Variants in TBX15 observed in about 807,000 individuals in gnomAD.
The protein encoded by TBX15 is T-box transcription factor TBX15.
In TBX15, 18 loss-of-function variants were observed where a neutral mutation model predicts 53.9. The observed-to-expected ratio is 0.33, with a 90% CI of 0.23 to 0.49. The LOEUF is 0.49. TBX15 is among the 20% of genes least tolerant of loss of function. The pLI, the probability that TBX15 is intolerant of heterozygous loss-of-function variation, is 0.98. For missense variants in TBX15, 692 were observed against 749.5 expected (o/e 0.92, Z 0.90); for synonymous variants, 295 against 278.0 (o/e 1.06, Z -0.61).
intron 1 of TBX15, among the ~76,000 whole-genome samples, chr1:118,983,029 C>T (rs12039462): frequency 0.064 from 9,816 of 152,196 alleles, 460 homozygotes; most frequent in East Asian, 0.2. Flanking sequence ...TTTGTGCTTC[C>T]CCAGCGGGTC....
rs910044470 is a variant in TBX15, at chr1:118,924,849, A to G, written c.522-32T>C. ...TAAAGAGGAAGAGAGGAAAATTCAG[A>G]GACAGAGGCAGAGAAGGGACAGAGG... On this transcript the variant is annotated intron_variant, in intron 3 of 7. Transcript: ENST00000369429. The G allele has an allele frequency of 8.7e-6, 14 of 1,613,350 alleles. No individual in the cohort carries two copies. In the East Asian group the frequency reaches 2.9e-4, roughly 33 times the overall value.
At chr1:118,902,534 C>G (rs1425299478) in intron 6 of TBX15, among the ~76,000 whole-genome samples, 1 of 152,172 alleles carries the variant, frequency 6.6e-6, no homozygotes, top group Non-Finnish European at 1.5e-5. Flanking sequence ...TTTTTCTAAG[C>G]CTAAAACTTA....
intron 5 of TBX15, among the ~76,000 whole-genome samples, chr1:118,922,948 G>A (rs1655470686): frequency 1.3e-5 from 2 of 152,000 alleles, no homozygotes; most frequent in Non-Finnish European, 2.9e-5. Context: ...TTAAATGGTG[G>A]CTGGAGTATT....
At chr1:118,922,906 T>C (rs1011716286) in intron 5 of TBX15, among the ~76,000 whole-genome samples, 1 of 141,932 alleles carries the variant, frequency 7.0e-6, no homozygotes, top group Non-Finnish European at 1.5e-5. Context: ...GAAATATTTA[T>C]TGTCACATCA....
At chr1:118,927,348 T>G (rs1333163738) in intron 2 of TBX15, among the ~76,000 whole-genome samples, 1 of 152,242 alleles carries the variant, frequency 6.6e-6, no homozygotes, top group Non-Finnish European at 1.5e-5. Flanking sequence ...CAACTTACAC[T>G]CTTCTTATAA....
intron 1 of TBX15, among the ~76,000 whole-genome samples, chr1:118,935,573 C>T (rs1655943115): frequency 3.3e-5 from 5 of 152,150 alleles, no homozygotes. Context: ...GTAACCTGCG[C>T]TGAGCCAGTT....
chr1:118,937,139 A>G (rs1219256523), intron 1 of TBX15, among the ~76,000 whole-genome samples: 1 of 152,210 alleles, frequency 6.6e-6, no homozygotes, highest in Non-Finnish European at 1.5e-5. Flanking sequence ...TGAAACCAAC[A>G]AACAACAAAA....
intron 7 of TBX15, among the ~76,000 whole-genome samples, chr1:118,893,361 G>GA (rs1654240677): frequency 1.8e-5 from 1 of 54,744 alleles, no homozygotes; most frequent in Non-Finnish European, 3.5e-5. Context: ...AGGAAGGAAA[G>GA]AAAGAAAGAA....
intron 7 of TBX15, among the ~76,000 whole-genome samples, chr1:118,893,294 G>A (rs1654222858): frequency 7.6e-6 from 1 of 132,042 alleles, no homozygotes; most frequent in African/African-American, 3.1e-5. Context: ...AGGAAGGAAG[G>A]AAGGAAGGAA....
intron 1 of TBX15, among the ~76,000 whole-genome samples, chr1:118,960,068 A>G (rs1026031634): frequency 1.5e-4 from 19 of 129,032 alleles, no homozygotes; most frequent in Non-Finnish European, 2.1e-4. Flanking sequence ...AGAGAAAGAG[A>G]AAAAAAAAAA....
chr1:118,965,615 A>G (rs941648537), intron 1 of TBX15, among the ~76,000 whole-genome samples: 2 of 152,190 alleles, frequency 1.3e-5, no homozygotes, highest in African/African-American at 4.8e-5. Context: ...AAGAATGCCC[A>G]AAAATAATCA....
chr1:118,954,278 G>T (rs777718844), intron 1 of TBX15, among the ~76,000 whole-genome samples: 8 of 152,196 alleles, frequency 5.3e-5, no homozygotes, highest in Non-Finnish European at 1.0e-4. Context: ...CCCTGGACCA[G>T]AGGTCAGGTA....
intron 7 of TBX15, 60 bp downstream of exon 7, chr1:118,898,968 T>C (rs750327583): frequency 6.5e-7 from 1 of 1,550,212 alleles, no homozygotes; most frequent in South Asian, 1.1e-5. Context: ...TATATTCGGT[T>C]GAGCTCCCAC....
chr1:118,884,621 AAAAAC>A lies in TBX15; in HGVS notation c.*106_*110del. On this transcript the variant is annotated 3_prime_UTR_variant, in exon 8 of 8. Coordinates refer to ENST00000369429, the MANE Select transcript of TBX15 (RefSeq NM_001330677.2). ...CTTCGGCCAGAAAAAAAAAAAAAAAAAAAACACGGTTCCTGTTTTTCAAAGACACT... is the reference window on the plus strand; with the variant it reads ...CTTCGGCCAGAAAAAAAAAAAAAAAAACGGTTCCTGTTTTTCAAAGACACT... 1 of 1,370,550 alleles carries A rather than the reference AAAAAC, an allele frequency of 7.3e-7. No homozygotes were observed. The highest frequency in any genetic ancestry group is 9.9e-7 in the Non-Finnish European group (1 of 1,006,010). 84.9% of individuals were successfully genotyped at this position (1,370,550 alleles called of 1,614,324 possible).
rs536094260 is a variant in TBX15 at position 118,964,182 on chromosome 1, T to G, written c.205+23409A>C. ...CTGAAACAGTGAGCAAGAAATAAACTTGTATATATTAAGCCACTAAGACTT... is the reference window on the plus strand; with the variant it reads ...CTGAAACAGTGAGCAAGAAATAAACGTGTATATATTAAGCCACTAAGACTT... On this transcript the variant is annotated intron_variant, in intron 1 of 7. Coordinates refer to ENST00000369429, the MANE Select transcript of TBX15 (RefSeq NM_001330677.2). Among the ~76,000 whole-genome samples the G allele has an allele frequency of 2.0e-5, 3 of 152,340 alleles. No homozygotes were observed. In the South Asian group the frequency reaches 6.2e-4, roughly 32 times the overall value.
intron 6 of TBX15, among the ~76,000 whole-genome samples, chr1:118,905,785 A>G (rs1193881565): frequency 6.6e-6 from 1 of 152,220 alleles, no homozygotes; most frequent in Non-Finnish European, 1.5e-5. Flanking sequence ...GAAAATATAG[A>G]AATTGAAAGT....
chr1:118,931,660 G>A lies in TBX15; in HGVS notation c.378C>T (p.Phe126=). ...TGATCATTTCAGTTCCAATATCATG[G>A]AACCGCTTCCAGAGGTCAGCACATT... ...ELQCADLWKR[F]HDIGTEMIIT... Residue 126 remains phenylalanine (F), a synonymous_variant, in exon 2 of 8, where the codon TTC becomes TTT. Coordinates refer to ENST00000369429, the MANE Select transcript of TBX15 (RefSeq NM_001330677.2). 6.2e-7 allele frequency: 1 copy of A among 1,614,090 alleles called. No individual in the cohort carries two copies. The highest frequency in any genetic ancestry group is 2.2e-5 in the East Asian group (1 of 44,880).
intron 5 of TBX15, among the ~76,000 whole-genome samples, chr1:118,919,914 A>G (rs1438122919): frequency 1.3e-5 from 2 of 152,192 alleles, no homozygotes; most frequent in African/African-American, 4.8e-5. Context: ...AAGACAAAAT[A>G]AAATAGTCTA....
At chr1:118,972,677 C>A (rs1657269533) in intron 1 of TBX15, among the ~76,000 whole-genome samples, 1 of 152,150 alleles carries the variant, frequency 6.6e-6, no homozygotes, top group Admixed American at 6.5e-5. Flanking sequence ...CAGCTCATTG[C>A]AACCTCTGCC....
Sources: allele counts gnomAD v4.1 joint callset (sites outside exome capture counted in the v4.1 genomes callset), GRCh38; gene constraint gnomAD v4.1.1; transcripts MANE v1.5; gene names NCBI Gene and HGNC (gene_info 2026-07-23, HGNC 2026-07-21).